Variants in CEP63 observed in about 807,000 individuals in gnomAD.
CEP63 encodes centrosomal protein 63, also known as centrosomal protein of 63 kDa.
In CEP63, 84 loss-of-function variants were observed where a neutral mutation model predicts 89.1. The observed-to-expected ratio is 0.94, with a 90% CI of 0.79 to 1.13. CEP63 has a LOEUF of 1.13. Among genes scored for constraint, CEP63 ranks in the 50% most tolerant of loss-of-function variants. The pLI, the probability that CEP63 is intolerant of heterozygous loss-of-function variation, is 0.00. For synonymous variants in CEP63, 267 were observed against 272.5 expected (o/e 0.98, Z 0.20); for missense variants, 838 against 813.3 (o/e 1.03, Z -0.37).
At chr3:134,609,896 C>T in the CEP63 span, among the ~76,000 whole-genome samples, 1 of 152,180 alleles carries the variant, frequency 6.6e-6, no homozygotes, top group Non-Finnish European at 1.5e-5. Flanking sequence ...GGCTATTAGC[C>T]CACCTTTCCT....
the CEP63 span, among the ~76,000 whole-genome samples, chr3:134,759,953 AAC>A: frequency 2.6e-5 from 4 of 152,236 alleles, no homozygotes; most frequent in Non-Finnish European, 4.4e-5. Context: ...TTGCCTAAAA[AAC>A]AGAATTAGAA....
the CEP63 span, among the ~76,000 whole-genome samples, chr3:134,675,516 T>C: frequency 2.6e-5 from 4 of 152,074 alleles, no homozygotes; most frequent in African/African-American, 7.2e-5. Flanking sequence ...AGCAATCAAA[T>C]AAAAAATAAA....
At chr3:134,505,969 A>G (rs1189031531) in intron 2 of CEP63, among the ~76,000 whole-genome samples, 1 of 152,214 alleles carries the variant, frequency 6.6e-6, no homozygotes, top group Non-Finnish European at 1.5e-5. Context: ...TCATGGTCAC[A>G]GCATTTTGGG....
At chr3:134,500,950 T>C (rs1053635784) in intron 2 of CEP63, among the ~76,000 whole-genome samples, 2 of 148,006 alleles carry the variant, frequency 1.4e-5, no homozygotes, top group Non-Finnish European at 3.0e-5. Flanking sequence ...TAGATTTTTC[T>C]CCTAGGATTC....
At chr3:134,690,342 A>G in the CEP63 span, among the ~76,000 whole-genome samples, 1 of 152,212 alleles carries the variant, frequency 6.6e-6, no homozygotes, top group Non-Finnish European at 1.5e-5. Context: ...TCAAGTTGTT[A>G]TGGAAGTTTC....
chr3:134,567,405 G>A, downstream of CEP63, among the ~76,000 whole-genome samples: 1 of 141,540 alleles, frequency 7.1e-6, no homozygotes, highest in Non-Finnish European at 1.5e-5. Context: ...AAAAACAACT[G>A]AATTGTGTAC....
rs769369530 is a variant in CEP63 at position 134,551,910 on chromosome 3, G to C, written c.1381-16G>C. ...TTACATGTTATATTTATTTTTTTCT[G>C]TTTTCCCCTTTTCAGGAGATTTTGG... On this transcript the variant is annotated splice_polypyrimidine_tract_variant and intron_variant, in intron 11 of 14. Transcript: ENST00000675561. 4.8e-5 allele frequency: 76 copies of C among 1,572,718 alleles called. 2 individuals carry two copies. The South Asian group carries it at 8.6e-4, about 18-fold the overall frequency.
chr3:134,623,752 G>A, the CEP63 span, among the ~76,000 whole-genome samples: 49 of 152,212 alleles, frequency 3.2e-4, no homozygotes, highest in African/African-American at 8.2e-4. Flanking sequence ...TGCAGTAGCC[G>A]ACATGGCGTC....
chr3:134,738,094 T>G, the CEP63 span, among the ~76,000 whole-genome samples: 1 of 152,096 alleles, frequency 6.6e-6, no homozygotes, highest in Non-Finnish European at 1.5e-5. Context: ...AAAATTGTGA[T>G]TAGATAAAAT....
chr3:134,569,157 T>G (rs1336723433), downstream of CEP63, among the ~76,000 whole-genome samples: 1 of 152,198 alleles, frequency 6.6e-6, no homozygotes, highest in African/African-American at 2.4e-5. Context: ...GAAATTTGGG[T>G]GGGGCCCCAG....
chr3:134,651,599 G>C, the CEP63 span: 1 of 988,842 alleles, frequency 1.0e-6, no homozygotes, highest in Non-Finnish European at 1.2e-6. Flanking sequence ...GGAGTTGGGT[G>C]GGGTGTTGGA....
At chr3:134,504,024 G>T (rs1210291726) in intron 2 of CEP63, among the ~76,000 whole-genome samples, 1 of 151,586 alleles carries the variant, frequency 6.6e-6, no homozygotes, top group Non-Finnish European at 1.5e-5. Context: ...AACTCTTGTC[G>T]TTTTGTTAAT....
chr3:134,623,554 C>T, the CEP63 span, among the ~76,000 whole-genome samples: 1 of 151,368 alleles, frequency 6.6e-6, no homozygotes, highest in Non-Finnish European at 1.5e-5. Context: ...CCTTGTTCCC[C>T]CACCTTAGGA....
At chr3:134,637,118 G>C in the CEP63 span, among the ~76,000 whole-genome samples, 1 of 152,236 alleles carries the variant, frequency 6.6e-6, no homozygotes, top group Non-Finnish European at 1.5e-5. Context: ...GCATAGCTTT[G>C]AAGGGGTTAA....
At chr3:134,640,163 A>G in the CEP63 span, among the ~76,000 whole-genome samples, 1 of 146,118 alleles carries the variant, frequency 6.8e-6, no homozygotes, top group African/African-American at 2.5e-5. Context: ...AAAATGTTGA[A>G]CCATTCCGAG....
At chr3:134,657,103 C>T in the CEP63 span, among the ~76,000 whole-genome samples, 2 of 152,152 alleles carry the variant, frequency 1.3e-5, no homozygotes, top group Non-Finnish European at 2.9e-5. Flanking sequence ...TTTAATTGGA[C>T]TTACAGTTCT....
intron 5 of CEP63, 144 bp downstream of exon 5, chr3:134,533,044 C>T (rs1950154673): frequency 1.2e-6 from 1 of 816,588 alleles, no homozygotes; most frequent in Non-Finnish European, 2.0e-6. Flanking sequence ...AGAGGGTGAT[C>T]CACCATACAT....
downstream of CEP63, among the ~76,000 whole-genome samples, chr3:134,567,983 T>G (rs1020784299): frequency 3.3e-5 from 5 of 152,336 alleles, no homozygotes; most frequent in South Asian, 1.0e-3. Context: ...CCTCAGTATC[T>G]CTACAAGCAT....
the CEP63 span, among the ~76,000 whole-genome samples, chr3:134,635,358 A>T: frequency 6.6e-6 from 1 of 152,002 alleles, no homozygotes; most frequent in Non-Finnish European, 1.5e-5. Context: ...TTAGCTGGGC[A>T]TGGTGGCAGG....
Sources: gnomAD v4.1 joint callset for allele counts (sites outside exome capture counted in the v4.1 genomes callset) on GRCh38, gnomAD v4.1.1 for gene constraint, MANE v1.5 for transcripts, NCBI Gene and HGNC (gene_info 2026-07-23, HGNC 2026-07-21) for gene names.